ZNF704: variants seen among roughly 807,000 people sequenced by gnomAD.
ZNF704 encodes zinc finger protein 704.
ZNF704 carries 10 observed loss-of-function variants against 44.7 expected under a neutral mutation model. That is an observed-to-expected ratio of 0.22 (90% CI 0.14 to 0.38). The LOEUF is 0.38. Ranked by LOEUF, ZNF704 falls within the 10% of genes least tolerant of loss-of-function variation. The pLI, the probability that ZNF704 is intolerant of heterozygous loss-of-function variation, is 1.00. For synonymous variants in ZNF704, 211 were observed against 207.6 expected (o/e 1.02, Z -0.14); for missense variants, 390 against 545.5 (o/e 0.71, Z 2.84).
chr8:80,746,535 T>C (rs2131699933), intron 2 of ZNF704, among the ~76,000 whole-genome samples: 1 of 152,320 alleles, frequency 6.6e-6, no homozygotes, highest in African/African-American at 2.4e-5. Context: ...ATGTTTAAGT[T>C]TTCTGAACCT....
chr8:80,757,365 C>G (rs1807053643), intron 2 of ZNF704, among the ~76,000 whole-genome samples: 1 of 151,446 alleles, frequency 6.6e-6, no homozygotes, highest in South Asian at 2.1e-4. Flanking sequence ...AAAATGGAAG[C>G]TTATAGAATA....
chr8:80,786,090 T>C (rs2129727363), intron 2 of ZNF704, among the ~76,000 whole-genome samples: 1 of 151,244 alleles, frequency 6.6e-6, no homozygotes, highest in South Asian at 2.1e-4. Context: ...GGAAACTCTG[T>C]CTCTATAAAA....
At chr8:80,809,392 CCTTGTAAGATGTTACT>C (rs1406582844) in intron 2 of ZNF704, among the ~76,000 whole-genome samples, 1 of 152,180 alleles carries the variant, frequency 6.6e-6, no homozygotes, top group Non-Finnish European at 1.5e-5. Context: ...TAGCAGATGA[CCTTGTAAGATGTTACT>C]CTTAGAAAAG....
intron 2 of ZNF704, among the ~76,000 whole-genome samples, chr8:80,794,957 T>C (rs1005137236): frequency 9.2e-5 from 14 of 152,224 alleles, no homozygotes; most frequent in African/African-American, 3.1e-4. Flanking sequence ...AGTATAAATG[T>C]ATGGTACATG....
chr8:80,840,040 C>G (rs959860494), intron 1 of ZNF704, among the ~76,000 whole-genome samples: 5 of 152,160 alleles, frequency 3.3e-5, no homozygotes, highest in African/African-American at 1.2e-4. Context: ...CAGGCACCTG[C>G]TATATTTTTA....
intron 1 of ZNF704, among the ~76,000 whole-genome samples, chr8:80,872,321 C>G (rs560575304): frequency 6.6e-6 from 1 of 152,326 alleles, no homozygotes; most frequent in South Asian, 2.1e-4. Flanking sequence ...AGAGCTGGTA[C>G]TTCCAGGGTG....
At chr8:80,850,388 C>T (rs1214894552) in intron 1 of ZNF704, among the ~76,000 whole-genome samples, 1 of 151,972 alleles carries the variant, frequency 6.6e-6, no homozygotes, top group East Asian at 1.9e-4. Context: ...ATAAAAAGTA[C>T]TTAATTTCCC....
chr8:80,696,740 T>A (rs144172461), intron 2 of ZNF704, among the ~76,000 whole-genome samples: 29 of 152,320 alleles, frequency 1.9e-4, no homozygotes, highest in African/African-American at 6.3e-4. Context: ...TTTTGAAATA[T>A]TTGCATATAT....
chr8:80,796,632 T>C (rs1807805283), intron 2 of ZNF704, among the ~76,000 whole-genome samples: 1 of 152,126 alleles, frequency 6.6e-6, no homozygotes, highest in African/African-American at 2.4e-5. Flanking sequence ...GTCTCATCTG[T>C]GAAATCAAAA....
chr8:80,645,106 T>C (rs1817806396), intron 7 of ZNF704: 1 of 1,592,802 alleles, frequency 6.3e-7, no homozygotes, highest in East Asian at 2.2e-5. Flanking sequence ...TTGGGCAGCA[T>C]GACATGTCGA....
intron 1 of ZNF704, among the ~76,000 whole-genome samples, chr8:80,823,053 A>G (rs1808306570): frequency 1.3e-5 from 2 of 152,154 alleles, no homozygotes; most frequent in African/African-American, 4.8e-5. Context: ...TGCATTGCCA[A>G]CTGAGGTACC....
chr8:80,687,292 G>C lies in ZNF704; in HGVS notation c.492C>G (p.Asp164Glu). The change falls in exon 4 of 9, where the codon GAC (aspartate) becomes GAG (glutamate). Residue 164 changes from aspartate (D) to glutamate (E), a missense_variant. Around this residue, in one of 3 missense-constraint regions of ZNF704, gnomAD observed 305 missense variants for 435.7 expected, o/e 0.70. Coordinates refer to ENST00000327835, the MANE Select transcript of ZNF704 (RefSeq NM_001033723.3). ...FKPFRSPAQP[D>E]DGIDEAEASN... is the part of the protein sequence containing the mutation. Reference sequence around the variant, plus strand: ...TGGCCTCCGCCTCGTCGATGCCGTCGTCTGGCTGCGCGGGGCTGCGGAAGG... The same window carrying C: ...TGGCCTCCGCCTCGTCGATGCCGTCCTCTGGCTGCGCGGGGCTGCGGAAGG... 3 of 1,613,112 alleles carry C rather than the reference G, an allele frequency of 1.9e-6. No homozygotes were observed. Among genetic ancestry groups the C allele is most frequent in the Non-Finnish European group, 1.7e-6 (2 of 1,179,856 alleles).
At chr8:80,721,204 G>C (rs1819160876) in intron 2 of ZNF704, among the ~76,000 whole-genome samples, 1 of 152,206 alleles carries the variant, frequency 6.6e-6, no homozygotes, top group Non-Finnish European at 1.5e-5. Context: ...TGTTTGAACA[G>C]AGATTTGCAA....
intron 7 of ZNF704, among the ~76,000 whole-genome samples, chr8:80,645,558 T>C (rs1236140453): frequency 1.3e-5 from 2 of 151,998 alleles, no homozygotes. Flanking sequence ...GCTTGGACCA[T>C]TCCCTTGGTG....
chr8:80,846,746 T>C (rs1044233876), intron 1 of ZNF704, among the ~76,000 whole-genome samples: 1 of 152,168 alleles, frequency 6.6e-6, no homozygotes, highest in African/African-American at 2.4e-5. Context: ...GTCAATATTG[T>C]TGTAGAATTT....
chr8:80,819,825 C>A (rs1326749506), intron 2 of ZNF704, among the ~76,000 whole-genome samples: 1 of 151,860 alleles, frequency 6.6e-6, no homozygotes, highest in Non-Finnish European at 1.5e-5. Flanking sequence ...AACTAAGAGG[C>A]CTATAATTTT....
At chr8:80,751,256 CCAGCGT>C (rs531259014) in intron 2 of ZNF704, among the ~76,000 whole-genome samples, 9 of 152,252 alleles carry the variant, frequency 5.9e-5, no homozygotes, top group African/African-American at 2.2e-4. Flanking sequence ...ACTCCCTGGG[CCAGCGT>C]GCTGGTTCTT....
In ZNF704 at chr8:80,734,109, G is replaced by A. The variant is rs554393595; in HGVS notation, c.222-41002C>T. On this transcript the variant is annotated intron_variant, in intron 2 of 8. Transcript: ENST00000327835. ...ACAAGTCAACTGGTCATAGCAAAATGTGAGAAACCACTATTGATAGAAACA... is the reference window on the plus strand; with the variant it reads ...ACAAGTCAACTGGTCATAGCAAAATATGAGAAACCACTATTGATAGAAACA... 1.2e-4 allele frequency among the ~76,000 whole-genome samples: 18 copies of A among 152,316 alleles called. No homozygotes were observed. The South Asian group carries it at 1.7e-3, about 14-fold the overall frequency.
intron 2 of ZNF704, among the ~76,000 whole-genome samples, chr8:80,718,490 T>C (rs1180329694): frequency 6.6e-6 from 1 of 152,130 alleles, no homozygotes; most frequent in Non-Finnish European, 1.5e-5. Flanking sequence ...GCCCGTAAAA[T>C]TGGACAGACA....
Sources: allele counts gnomAD v4.1 joint callset (sites outside exome capture counted in the v4.1 genomes callset), GRCh38; gene constraint gnomAD v4.1.1; regional missense constraint gnomAD v4.1.1; transcripts MANE v1.5; gene names NCBI Gene and HGNC (gene_info 2026-07-23, HGNC 2026-07-21).